The following PPP3R1 variants were observed in gnomAD, a reference collection of about 807,000 sequenced individuals.
The protein encoded by PPP3R1 is calcineurin subunit B type 1.
In PPP3R1, 5 loss-of-function variants were observed where a neutral mutation model predicts 22.6. The ratio of observed to expected loss-of-function variants is 0.22; its 90% CI spans 0.12 to 0.46. The LOEUF is 0.46. Among genes scored for constraint, PPP3R1 ranks in the 20% least tolerant of loss-of-function variants. The pLI is 0.99. For synonymous variants in PPP3R1, 56 were observed against 65.2 expected (o/e 0.86, Z 0.68); for missense variants, 61 against 203.2 (o/e 0.30, Z 4.25).
In PPP3R1 at chr2:68,216,970, A is replaced by G. The variant is rs943491581; in HGVS notation, c.43+122T>C. 11 of 684,468 alleles carry G rather than the reference A, an allele frequency of 1.6e-5. No individual in the cohort carries two copies. The East Asian group carries it at 2.3e-4, about 14-fold the overall frequency. 42.4% of individuals were successfully genotyped at this position (684,468 alleles called of 1,614,324 possible). On this transcript the variant is annotated intron_variant, in intron 2 of 5. Transcript: ENST00000234310. ...CCACTTTAAATAGTTAAGGGCTCAC[A>G]TTGCTACAAAGGTAAGTAAATATAC...
chr2:68,196,945 G>C (rs1214838182), intron 2 of PPP3R1, among the ~76,000 whole-genome samples: 1 of 152,120 alleles, frequency 6.6e-6, no homozygotes, highest in African/African-American at 2.4e-5. Flanking sequence ...GTCTGGTCTT[G>C]AACTTCTGAC....
chr2:68,236,951 G>C (rs1454181871), intron 1 of PPP3R1, among the ~76,000 whole-genome samples: 1 of 152,112 alleles, frequency 6.6e-6, no homozygotes, highest in Non-Finnish European at 1.5e-5. Context: ...CTAAAATTGG[G>C]GCAGCCCTCT....
chr2:68,179,267 G>C lies in PPP3R1; in HGVS notation c.*1696C>G, dbSNP rs1475244789. 6.6e-6 allele frequency: 1 copy of C among 152,646 alleles called. No homozygotes were observed. Among genetic ancestry groups the C allele is most frequent in the Non-Finnish European group, 1.5e-5 (1 of 68,040 alleles). The allele number at this position is 152,646 out of a possible 1,614,324, so 9.5% of individuals were successfully genotyped here. A position where few individuals can be genotyped will look rare whatever the true frequency, so the allele number is the denominator to read the frequency against. On this transcript the variant is annotated 3_prime_UTR_variant, in exon 6 of 6. Transcript: ENST00000234310. The stretch of plus-strand genomic sequence containing the variant: ...CATGCCACTGATCCAGAGGAAGAAA[G>C]TTACATGTAGTGGAGATTTTCAGTC...
At chr2:68,222,660 A>G (rs1474559724) in intron 1 of PPP3R1, among the ~76,000 whole-genome samples, 1 of 152,214 alleles carries the variant, frequency 6.6e-6, no homozygotes, top group African/African-American at 2.4e-5. Flanking sequence ...CCTTCAAGCT[A>G]CAGCACCAGC....
chr2:68,202,402 G>GT (rs1166589892), intron 2 of PPP3R1, among the ~76,000 whole-genome samples: 2 of 114,872 alleles, frequency 1.7e-5, no homozygotes, highest in African/African-American at 3.6e-5. Context: ...TTCTTTTTTC[G>GT]TTTTTTGTTG....
At position 68,232,245 on chromosome 2, in the gene PPP3R1, GTGTGTGTGTGTGTGTGTGTGTATA is replaced by G. The variant is rs1558641495; in HGVS notation, c.4-15138_4-15115del. On this transcript the variant is annotated intron_variant, in intron 1 of 5. Transcript: ENST00000234310. ...TATATGTGTGTGTGTGTGTGTGTGT[GTGTGTGTGTGTGTGTGTGTGTATA>G]TATATATACACACACACAAAAATTA... Among the ~76,000 whole-genome samples the G allele has an allele frequency of 7.5e-4, 52 of 69,290 alleles. 2 individuals are homozygous for G. The highest frequency in any genetic ancestry group is 5.6e-3 in the South Asian group (9 of 1,612). The allele number at this position is 69,290 out of a possible 152,430, so 45.5% of individuals were successfully genotyped here.
intron 2 of PPP3R1, among the ~76,000 whole-genome samples, chr2:68,190,501 G>A (rs1173428289): frequency 1.3e-5 from 2 of 152,114 alleles, no homozygotes; most frequent in East Asian, 3.9e-4. Context: ...GGGAGGCGGA[G>A]GTTGCAGTGA....
chr2:68,226,643 C>A (rs941152652), intron 1 of PPP3R1, among the ~76,000 whole-genome samples: 1 of 152,128 alleles, frequency 6.6e-6, no homozygotes, highest in Non-Finnish European at 1.5e-5. Flanking sequence ...TAGTCTCCTT[C>A]CCTGATTTTA....
At chr2:68,184,444 T>C (rs145072032) in intron 5 of PPP3R1, among the ~76,000 whole-genome samples, 17 of 152,332 alleles carry the variant, frequency 1.1e-4, no homozygotes, top group Non-Finnish European at 2.2e-4. Flanking sequence ...TGTGAGTACA[T>C]AACCCTTTCT....
chr2:68,199,250 C>A (rs1365257508), intron 2 of PPP3R1, among the ~76,000 whole-genome samples: 1 of 152,178 alleles, frequency 6.6e-6, no homozygotes, highest in Non-Finnish European at 1.5e-5. Context: ...GCGTGAGCCA[C>A]CGCTCCCAGA....
At chr2:68,232,885 G>C (rs1487417711) in intron 1 of PPP3R1, among the ~76,000 whole-genome samples, 1 of 152,042 alleles carries the variant, frequency 6.6e-6, no homozygotes, top group Non-Finnish European at 1.5e-5. Flanking sequence ...GGGATTATAG[G>C]CTTGAGCCAC....
chr2:68,202,626 T>C (rs1457960066), intron 2 of PPP3R1, among the ~76,000 whole-genome samples: 1 of 150,978 alleles, frequency 6.6e-6, no homozygotes, highest in Non-Finnish European at 1.5e-5. Context: ...GGTTTCACCA[T>C]GTTGGCCAGG....
At chr2:68,184,699 CA>C (rs1674497511) in intron 5 of PPP3R1, among the ~76,000 whole-genome samples, 1 of 152,180 alleles carries the variant, frequency 6.6e-6, no homozygotes, top group Non-Finnish European at 1.5e-5. Context: ...AGCGCTTGAT[CA>C]ATGTTTAGAA....
intron 2 of PPP3R1, among the ~76,000 whole-genome samples, chr2:68,198,703 A>T (rs769344561): frequency 6.6e-6 from 1 of 152,104 alleles, no homozygotes; most frequent in African/African-American, 2.4e-5. Context: ...TCAGTTTGCT[A>T]AATTTTTTAA....
rs10170016 is a variant in PPP3R1 at position 68,188,470 on chromosome 2, T to C, written c.220+44A>G. The C allele has an allele frequency of 4.5e-3, 6,312 of 1,417,764 alleles. 233 individuals are homozygous for C. The African/African-American group carries it at 0.083, about 19-fold the overall frequency. The allele number at this position is 1,417,764 out of a possible 1,614,324, so 87.8% of individuals were successfully genotyped here. A position where few individuals can be genotyped will look rare whatever the true frequency, so the allele number is the denominator to read the frequency against. The stretch of plus-strand genomic sequence containing the variant: ...TTACACAGAGCTGTAAGAATACAAA[T>C]AGGTTAGATAACTTGTGGTTATAAA... On this transcript the variant is annotated intron_variant, in intron 3 of 5. Coordinates refer to ENST00000234310, the MANE Select transcript of PPP3R1 (RefSeq NM_000945.4).
intron 1 of PPP3R1, among the ~76,000 whole-genome samples, chr2:68,238,144 A>C (rs1670051624): frequency 6.6e-6 from 1 of 152,070 alleles, no homozygotes; most frequent in Non-Finnish European, 1.5e-5. Flanking sequence ...TAGATGACTA[A>C]TATAACTTAG....
chr2:68,194,592 CA>C (rs929842131), intron 2 of PPP3R1, among the ~76,000 whole-genome samples: 4 of 151,956 alleles, frequency 2.6e-5, no homozygotes, highest in African/African-American at 7.2e-5. Context: ...CAAGAAATTT[CA>C]AAATAGTAAA....
At chr2:68,229,979 C>T (rs900688857) in intron 1 of PPP3R1, among the ~76,000 whole-genome samples, 2 of 38,810 alleles carry the variant, frequency 5.2e-5, no homozygotes, top group African/African-American at 3.9e-4. Context: ...CACATACACA[C>T]ACACACACAC....
chr2:68,252,156 C>A lies in PPP3R1; in HGVS notation c.-29G>T. 1 of 1,413,020 alleles carries A rather than the reference C, an allele frequency of 7.1e-7. No individual in the cohort carries two copies. The highest frequency in any genetic ancestry group is 2.1e-5 in the Admixed American group (1 of 47,490). The allele number at this position is 1,413,020 out of a possible 1,614,324, so 87.5% of individuals were successfully genotyped here. A position where few individuals can be genotyped will look rare whatever the true frequency, so the allele number is the denominator to read the frequency against. On this transcript the variant is annotated 5_prime_UTR_variant, in exon 1 of 6. Transcript: ENST00000234310. ...GCTCGGCGGGTCGGCGGCTCGCTGG[C>A]TCGCTGGCTCGGAGAAGTGTTGCGC...
Sources: allele counts gnomAD v4.1 joint callset (sites outside exome capture counted in the v4.1 genomes callset), GRCh38; gene constraint gnomAD v4.1.1; transcripts MANE v1.5; gene names NCBI Gene and HGNC (gene_info 2026-07-23, HGNC 2026-07-21).